CUX1: variants seen among roughly 807,000 people sequenced by gnomAD.
CUX1 encodes protein CASP.
CUX1 carries 31 observed loss-of-function variants against 158.8 expected under a neutral mutation model. That is an observed-to-expected ratio of 0.20 (90% CI 0.15 to 0.26). CUX1 has a LOEUF of 0.26. Ranked by LOEUF, CUX1 falls within the 10% of genes least tolerant of loss-of-function variation. CUX1 has a pLI of 1.00. For missense variants in CUX1, 1,589 were observed against 2,014.6 expected (o/e 0.79, Z 4.04); for synonymous variants, 879 against 862.1 (o/e 1.02, Z -0.34).
chr7:102,126,003 T>C (rs1430229110), intron 8 of CUX1, among the ~76,000 whole-genome samples: 2 of 151,876 alleles, frequency 1.3e-5, no homozygotes, highest in Non-Finnish European at 2.9e-5. Flanking sequence ...TTATTTTCCC[T>C]TTTTTATGTT....
intron 1 of CUX1, among the ~76,000 whole-genome samples, chr7:101,908,320 A>G (rs1802988613): frequency 6.6e-6 from 1 of 151,198 alleles, no homozygotes; most frequent in East Asian, 2.0e-4. Flanking sequence ...TGATTTTTGT[A>G]TTTTTAGTAG....
At chr7:102,097,236 C>A in intron 4 of CUX1, 128 bp from the exon 5 acceptor site, 1 of 1,123,254 alleles carries the variant, frequency 8.9e-7, no homozygotes, top group Non-Finnish European at 1.2e-6. Flanking sequence ...GCTGCAGGGG[C>A]ATGACTGTGG....
intron 20 of CUX1, among the ~76,000 whole-genome samples, chr7:102,205,784 C>T (rs570031759): frequency 1.3e-5 from 2 of 152,220 alleles, no homozygotes; most frequent in East Asian, 3.9e-4. Flanking sequence ...TTCACAGCCT[C>T]GAGGTCTCCA....
chr7:102,239,225 C>A, intron 22 of CUX1, 95 bp from the exon 23 acceptor site: 1 of 1,409,544 alleles, frequency 7.1e-7, no homozygotes. Context: ...CAAAGTCCTG[C>A]AAGCCGGCAC....
chr7:102,149,471 T>C (rs1835391724), intron 8 of CUX1, among the ~76,000 whole-genome samples: 1 of 141,374 alleles, frequency 7.1e-6, no homozygotes, highest in Non-Finnish European at 1.5e-5. Context: ...TCCTGTGTGC[T>C]AGCGAGAAGG....
intron 21 of CUX1, chr7:102,282,622 T>C (rs995783613): frequency 7.1e-7 from 1 of 1,407,942 alleles, no homozygotes; most frequent in Non-Finnish European, 9.8e-7. Context: ...CGAGAACCTT[T>C]ATGTTCCAGG....
At chr7:101,991,915 G>A (rs1384637892) in intron 2 of CUX1, among the ~76,000 whole-genome samples, 1 of 152,112 alleles carries the variant, frequency 6.6e-6, no homozygotes, top group Non-Finnish European at 1.5e-5. Context: ...TAAAAAATTA[G>A]CAGGGCATGG....
chr7:102,014,331 G>A (rs952242535), intron 2 of CUX1, among the ~76,000 whole-genome samples: 1 of 152,156 alleles, frequency 6.6e-6, no homozygotes, highest in Admixed American at 6.5e-5. Flanking sequence ...AGAATTTCCT[G>A]TGAAATGTGC....
At chr7:102,057,122 C>T (rs1294544986) in intron 3 of CUX1, among the ~76,000 whole-genome samples, 1 of 145,304 alleles carries the variant, frequency 6.9e-6, no homozygotes, top group African/African-American at 2.5e-5. Context: ...AGGATGGTCT[C>T]GATCTCCTGA....
intron 14 of CUX1, among the ~76,000 whole-genome samples, chr7:102,266,863 G>A (rs977180462): frequency 3.9e-5 from 6 of 152,176 alleles, no homozygotes; most frequent in Non-Finnish European, 8.8e-5. Flanking sequence ...TTGGAGGAGC[G>A]GAATTAGACG....
chr7:101,983,309 A>G (rs926933354), intron 2 of CUX1, among the ~76,000 whole-genome samples: 2 of 152,194 alleles, frequency 1.3e-5, no homozygotes, highest in Non-Finnish European at 2.9e-5. Flanking sequence ...AAAAGCAGCT[A>G]TTTGCATAAA....
Position 102,257,616 on chromosome 7 carries a change from A to G in CUX1, c.*8574A>G. ...TTTGCTGCTTGCCTTGAGAGCGGGT[A>G]GCACCACGCTCCTGTCCAGACTACT... is the stretch of plus-strand genomic sequence containing the variant. On this transcript the variant is annotated 3_prime_UTR_variant, in exon 24 of 24. Transcript: ENST00000292535. 2.0e-6 allele frequency: 2 copies of G among 985,408 alleles called. No homozygotes were observed. The highest frequency in any genetic ancestry group is 1.2e-6 in the Non-Finnish European group (1 of 829,932). The allele number at this position is 985,408 out of a possible 1,614,324, so 61.0% of individuals were successfully genotyped here. A position where few individuals can be genotyped will look rare whatever the true frequency, so the allele number is the denominator to read the frequency against.
intron 4 of CUX1, among the ~76,000 whole-genome samples, chr7:102,079,002 T>C (rs1827075368): frequency 6.6e-6 from 1 of 152,212 alleles, no homozygotes; most frequent in African/African-American, 2.4e-5. Context: ...GAGAATAAAA[T>C]AGCAGTCTGG....
At chr7:102,128,447 C>T (rs894577725) in intron 8 of CUX1, among the ~76,000 whole-genome samples, 3 of 151,236 alleles carry the variant, frequency 2.0e-5, no homozygotes, top group South Asian at 2.1e-4. Flanking sequence ...CAGCCTCTTG[C>T]ACTTTCTTGC....
intron 8 of CUX1, among the ~76,000 whole-genome samples, chr7:102,148,859 C>A (rs183537501): frequency 1.7e-3 from 254 of 151,846 alleles, no homozygotes; most frequent in African/African-American, 5.8e-3. Flanking sequence ...CCTTTCCCCG[C>A]AAGTCCCCAG....
chr7:102,239,997 C>T, intron 23 of CUX1, among the ~76,000 whole-genome samples: 1 of 152,106 alleles, frequency 6.6e-6, no homozygotes, highest in Non-Finnish European at 1.5e-5. Context: ...ATCTGCCCAC[C>T]TCGGCCCCGC....
chr7:101,817,780 T>A lies in CUX1; in HGVS notation c.30+111T>A. ...AGAATGCTCTAGGGCGGCCTGGTGC[T>A]CTGGGAGGGGATAGGAGGGTTCCTC... On this transcript the variant is annotated intron_variant, in intron 1 of 23. Coordinates refer to ENST00000292535, the MANE Select transcript of CUX1 (RefSeq NM_181552.4). The surrounding 1 kb of genome is among the most constrained non-coding windows in gnomAD (Gnocchi z 4.1). 7.5e-7 allele frequency: 1 copy of A among 1,338,942 alleles called. No individual in the cohort carries two copies. The highest frequency in any genetic ancestry group is 1.0e-6 in the Non-Finnish European group (1 of 984,650). 82.9% of individuals were successfully genotyped at this position (1,338,942 alleles called of 1,614,324 possible). A position where few individuals can be genotyped will look rare whatever the true frequency, so the allele number is the denominator to read the frequency against.
intron 20 of CUX1, among the ~76,000 whole-genome samples, chr7:102,226,850 C>T (rs1031262695): frequency 3.3e-5 from 5 of 152,168 alleles, no homozygotes; most frequent in East Asian, 3.8e-4. Flanking sequence ...AGGCTGGTCT[C>T]GAACTCCTGA....
intron 14 of CUX1, among the ~76,000 whole-genome samples, chr7:102,272,593 C>T (rs139583951): frequency 6.6e-6 from 1 of 152,348 alleles, no homozygotes; most frequent in East Asian, 1.9e-4. Context: ...AGGGCCAAAC[C>T]TCACCCTCAG....
Sources: gnomAD v4.1 joint callset for allele counts (sites outside exome capture counted in the v4.1 genomes callset) on GRCh38, gnomAD v4.1.1 for gene constraint, Gnocchi (gnomAD v3.1) non-coding constraint, MANE v1.5 for transcripts, NCBI Gene and HGNC (gene_info 2026-07-23, HGNC 2026-07-21) for gene names.